Variants in ARNT2 observed in about 807,000 individuals in gnomAD.
ARNT2 encodes aryl hydrocarbon receptor nuclear translocator 2.
Under a neutral mutation model 91.7 loss-of-function variants are expected in ARNT2, and 36 were observed. The ratio of observed to expected loss-of-function variants is 0.39; its 90% confidence interval spans 0.30 to 0.52. The LOEUF (loss-of-function observed/expected upper bound fraction) is 0.52, where lower values mean the gene tolerates loss of function less well. Ranked by LOEUF, ARNT2 falls within the 20% of genes least tolerant of loss-of-function variation. The pLI is 0.72. For missense variants in ARNT2, 775 were observed against 939.3 expected (o/e 0.83, Z 2.29); for synonymous variants, 365 against 347.1 (o/e 1.05, Z -0.57).
intron 1 of ARNT2, among the ~76,000 whole-genome samples, chr15:80,417,056 A>G (rs1251470675): frequency 1.3e-5 from 2 of 152,182 alleles, no homozygotes; most frequent in African/African-American, 4.8e-5. Context: ...CTAAGTATCA[A>G]TTTCATTTAA....
At chr15:80,417,613 C>T (rs561255935) in intron 1 of ARNT2, among the ~76,000 whole-genome samples, 1 of 151,388 alleles carries the variant, frequency 6.6e-6, no homozygotes, top group East Asian at 1.9e-4. Context: ...TTCTCCTTCC[C>T]TCCTCACCCT....
chr15:80,584,407 A>C (rs754652837), intron 17 of ARNT2, among the ~76,000 whole-genome samples: 49 of 152,076 alleles, frequency 3.2e-4, no homozygotes, highest in Non-Finnish European at 1.0e-4. Flanking sequence ...CAGAAGAAAG[A>C]GGGTGTGTGT....
At chr15:80,576,565 C>G (rs373918214) in intron 14 of ARNT2, among the ~76,000 whole-genome samples, 6 of 152,238 alleles carry the variant, frequency 3.9e-5, no homozygotes, top group African/African-American at 1.2e-4. Context: ...GTGCAAGCCA[C>G]CATGCCTAGC....
At chr15:80,442,979 C>T (rs1211714552) in intron 1 of ARNT2, 2 of 985,326 alleles carry the variant, frequency 2.0e-6, no homozygotes, top group East Asian at 2.3e-4. Flanking sequence ...CTTGTCATCT[C>T]TCACCTGGAC....
At chr15:80,527,300 G>A (rs1018637152) in intron 8 of ARNT2, among the ~76,000 whole-genome samples, 15 of 152,168 alleles carry the variant, frequency 9.9e-5, no homozygotes, top group Admixed American at 9.8e-4. Flanking sequence ...AAAGCCACAG[G>A]TCAAGGGTCA....
intron 17 of ARNT2, among the ~76,000 whole-genome samples, chr15:80,589,174 A>C (rs1272473408): frequency 6.6e-6 from 1 of 152,224 alleles, no homozygotes; most frequent in Non-Finnish European, 1.5e-5. Context: ...TAGCAGAACC[A>C]AAATCAAGTT....
intron 15 of ARNT2, among the ~76,000 whole-genome samples, chr15:80,578,194 G>A (rs891282847): frequency 1.9e-4 from 29 of 152,156 alleles, no homozygotes; most frequent in African/African-American, 6.8e-4. Flanking sequence ...ACAGCAGCAG[G>A]AGGTAAGGAG....
rs775322648 is a variant in ARNT2 at position 80,450,866 on chromosome 15, T to G, written c.32-14T>G. On this transcript the variant is annotated splice_polypyrimidine_tract_variant and intron_variant, in intron 1 of 18. Transcript: ENST00000303329. Reference sequence around the variant, plus strand: ...CTGGCATTGACAAAACCTCTTGTCTTTGCTGAATTCCAGAAATGGCTTCAG... The same window carrying G: ...CTGGCATTGACAAAACCTCTTGTCTGTGCTGAATTCCAGAAATGGCTTCAG... 3 of 1,613,924 alleles carry G rather than the reference T, an allele frequency of 1.9e-6. No homozygotes were observed. Among genetic ancestry groups the G allele is most frequent in the Non-Finnish European group, 2.5e-6 (3 of 1,179,776 alleles).
At chr15:80,447,026 CAAG>C (rs1896315862) in intron 1 of ARNT2, among the ~76,000 whole-genome samples, 1 of 152,116 alleles carries the variant, frequency 6.6e-6, no homozygotes, top group African/African-American at 2.4e-5. Context: ...TTCAAAAAAA[CAAG>C]AAGAGCTTTT....
At chr15:80,470,155 A>G (rs1238790034) in intron 3 of ARNT2, 63 bp from the exon 4 acceptor site, 7 of 1,466,272 alleles carry the variant, frequency 4.8e-6, no homozygotes, top group African/African-American at 2.9e-5. Flanking sequence ...CCCATTAGAT[A>G]GTAATCCCTA....
At chr15:80,560,272 A>G (rs1898309888) in intron 11 of ARNT2, 1 of 152,314 alleles carries the variant, frequency 6.6e-6, no homozygotes, top group African/African-American at 2.4e-5. Flanking sequence ...GTGCATTGGC[A>G]GTAGGGATTT....
intron 12 of ARNT2, among the ~76,000 whole-genome samples, 163 bp downstream of exon 12, chr15:80,563,402 C>G (rs4778813): frequency 0.033 from 4,967 of 152,282 alleles, 236 homozygotes; most frequent in African/African-American, 0.11. Context: ...ATCACTGTCT[C>G]CCTCCCATGT....
chr15:80,577,974 C>T (rs1417063606), intron 15 of ARNT2, among the ~76,000 whole-genome samples: 1 of 152,230 alleles, frequency 6.6e-6, no homozygotes, highest in Non-Finnish European at 1.5e-5. Flanking sequence ...CCCTAACCAT[C>T]ATCACCGCAG....
intron 5 of ARNT2, among the ~76,000 whole-genome samples, chr15:80,493,459 A>C (rs1897083874): frequency 6.6e-6 from 1 of 152,218 alleles, no homozygotes; most frequent in South Asian, 2.1e-4. Flanking sequence ...ACCTGAAGTT[A>C]GTAGGGCCAT....
intron 15 of ARNT2, chr15:80,580,167 AG>A (rs1898764430): frequency 2.0e-6 from 1 of 512,372 alleles, no homozygotes; most frequent in East Asian, 3.5e-5. Flanking sequence ...GAGAACGAGG[AG>A]AGGAAGTACC....
rs887304473 is a variant in ARNT2 at position 80,510,196 on chromosome 15, T to C, written c.725+1938T>C. ...GTGAGGAAAAGAGAGAAGTCAAAGGTTCCGCTAAAGTCTTTGCCCACTCAG... is the reference window on the plus strand; with the variant it reads ...GTGAGGAAAAGAGAGAAGTCAAAGGCTCCGCTAAAGTCTTTGCCCACTCAG... On this transcript the variant is annotated intron_variant, in intron 6 of 18. Transcript: ENST00000303329. Among the ~76,000 whole-genome samples, 15 of 152,138 alleles carry C rather than the reference T, an allele frequency of 9.9e-5. 2 individuals are homozygous for C. Among genetic ancestry groups the C allele is most frequent in the Admixed American group, 2.0e-4 (3 of 15,284 alleles).
intron 1 of ARNT2, among the ~76,000 whole-genome samples, chr15:80,427,210 C>T (rs539512086): frequency 4.6e-5 from 7 of 152,116 alleles, no homozygotes; most frequent in Non-Finnish European, 1.0e-4. Context: ...TCAAGAAGGG[C>T]ATCAGCAGGA....
intron 5 of ARNT2, among the ~76,000 whole-genome samples, chr15:80,498,886 G>T (rs1048970741): frequency 1.3e-5 from 2 of 152,142 alleles, no homozygotes; most frequent in African/African-American, 4.8e-5. Flanking sequence ...CTGCTTTGGG[G>T]AGTGGTCTCC....
intron 1 of ARNT2, among the ~76,000 whole-genome samples, chr15:80,443,769 A>T (rs1896233363): frequency 6.6e-6 from 1 of 152,212 alleles, no homozygotes; most frequent in Admixed American, 6.5e-5. Flanking sequence ...ATAGAAGGTC[A>T]GGGGCAGAAG....
Sources: gnomAD v4.1 joint callset for allele counts (sites outside exome capture counted in the v4.1 genomes callset) on GRCh38, gnomAD v4.1.1 for gene constraint, MANE v1.5 for transcripts, NCBI Gene and HGNC (gene_info 2026-07-23, HGNC 2026-07-21) for gene names.